Variants in RALGAPA1 observed in about 807,000 individuals in gnomAD.
RALGAPA1 encodes ral GTPase-activating protein subunit alpha-1.
RALGAPA1 carries 52 observed loss-of-function variants against 269.6 expected under a neutral mutation model. The ratio of observed to expected loss-of-function variants is 0.19; its 90% CI spans 0.15 to 0.24. RALGAPA1 has a LOEUF of 0.24. Ranked by LOEUF, RALGAPA1 falls within the 10% of genes least tolerant of loss-of-function variation. The probability of loss-of-function intolerance (pLI) is 1.00; values close to 1 mark genes in which losing one functional copy is unlikely to be tolerated. For missense variants in RALGAPA1, 1,917 were observed against 3,013.9 expected, an observed-to-expected ratio of 0.64 and a Z score of 8.52; for synonymous variants, 817 against 1,008.3, an observed-to-expected ratio of 0.81 and a Z score of 3.60.
intron 22 of RALGAPA1, chr14:35,677,398 C>T (rs1429018612): frequency 6.5e-6 from 1 of 153,862 alleles, no homozygotes; most frequent in Non-Finnish European, 1.4e-5. Context: ...CAAAATCTAG[C>T]AAAAATAACT....
At chr14:35,674,758 TA>T in intron 22 of RALGAPA1, 49 bp from the exon 23 acceptor site, 2 of 887,576 alleles carry the variant, frequency 2.3e-6, no homozygotes, top group Non-Finnish European at 3.4e-6. Flanking sequence ...GAACTGAACA[TA>T]AAACCCCCCA....
intron 16 of RALGAPA1, among the ~76,000 whole-genome samples, chr14:35,717,430 G>A (rs532218830): frequency 2.7e-5 from 4 of 150,378 alleles, no homozygotes; most frequent in South Asian, 2.1e-4. Context: ...GATTACAGGC[G>A]TGAGCCACTG....
intron 19 of RALGAPA1, among the ~76,000 whole-genome samples, chr14:35,685,687 T>G (rs933223738): frequency 6.6e-6 from 1 of 152,150 alleles, no homozygotes; most frequent in Non-Finnish European, 1.5e-5. Context: ...GCAGATCACC[T>G]GAGGTCAGGA....
intron 39 of RALGAPA1, among the ~76,000 whole-genome samples, chr14:35,551,180 T>C (rs944789582): frequency 1.3e-5 from 2 of 152,176 alleles, no homozygotes; most frequent in African/African-American, 4.8e-5. Flanking sequence ...AATGGGGTTA[T>C]TGCTTCTCCC....
intron 7 of RALGAPA1, among the ~76,000 whole-genome samples, chr14:35,755,788 A>T (rs1305001380): frequency 6.6e-6 from 1 of 152,232 alleles, no homozygotes; most frequent in Non-Finnish European, 1.5e-5. Flanking sequence ...TAAAATGTGG[A>T]ATCAGGGTTC....
chr14:35,571,102 T>C (rs950584698), intron 38 of RALGAPA1, among the ~76,000 whole-genome samples: 8 of 152,206 alleles, frequency 5.3e-5, no homozygotes, highest in Non-Finnish European at 8.8e-5. Flanking sequence ...AATATATACT[T>C]ATAGGCAAGA....
At chr14:35,650,633 A>C (rs1036836826) in intron 31 of RALGAPA1, among the ~76,000 whole-genome samples, 3 of 152,188 alleles carry the variant, frequency 2.0e-5, no homozygotes, top group African/African-American at 7.2e-5. Flanking sequence ...CACACAAGAA[A>C]ATAACTGGGA....
chr14:35,792,643 T>G (rs1189429624), intron 1 of RALGAPA1, among the ~76,000 whole-genome samples: 3 of 151,484 alleles, frequency 2.0e-5, no homozygotes, highest in Non-Finnish European at 4.4e-5. Flanking sequence ...ACTAGCCGGG[T>G]ATGGCGGTGC....
chr14:35,706,076 C>T (rs1439705918), intron 16 of RALGAPA1, among the ~76,000 whole-genome samples: 3 of 152,132 alleles, frequency 2.0e-5, no homozygotes, highest in African/African-American at 7.2e-5. Context: ...GATTTTCTCC[C>T]CATCTGTGAC....
At chr14:35,784,066 A>T (rs770193909) in intron 1 of RALGAPA1, among the ~76,000 whole-genome samples, 1 of 152,078 alleles carries the variant, frequency 6.6e-6, no homozygotes, top group Non-Finnish European at 1.5e-5. Context: ...AGAACATTAC[A>T]TACCCAAGAA....
chr14:35,564,429 A>T (rs1195581559), intron 39 of RALGAPA1: 1 of 152,216 alleles, frequency 6.6e-6, no homozygotes. Flanking sequence ...GAACCAATCA[A>T]TTCATCAATT....
intron 37 of RALGAPA1, among the ~76,000 whole-genome samples, chr14:35,575,272 C>T (rs1429922019): frequency 6.6e-6 from 1 of 152,172 alleles, no homozygotes; most frequent in East Asian, 1.9e-4. Flanking sequence ...TGGGATAGGT[C>T]TGTTAAAACG....
chr14:35,695,668 A>T (rs969410544), intron 17 of RALGAPA1, among the ~76,000 whole-genome samples: 3 of 152,244 alleles, frequency 2.0e-5, no homozygotes, highest in African/African-American at 7.2e-5. Flanking sequence ...ACTTGATTAG[A>T]AAATACTAAA....
At chr14:35,718,348 T>C (rs1354795249) in intron 16 of RALGAPA1, among the ~76,000 whole-genome samples, 2 of 152,220 alleles carry the variant, frequency 1.3e-5, no homozygotes, top group African/African-American at 4.8e-5. Flanking sequence ...CAAGATTTTA[T>C]ATGTTATGCT....
intron 30 of RALGAPA1, among the ~76,000 whole-genome samples, chr14:35,653,842 G>A (rs1182021456): frequency 6.6e-6 from 1 of 152,020 alleles, no homozygotes; most frequent in Non-Finnish European, 1.5e-5. Context: ...ATTCACAAAT[G>A]ACTGGCTAAA....
intron 17 of RALGAPA1, among the ~76,000 whole-genome samples, chr14:35,694,972 C>T (rs867744348): frequency 6.6e-6 from 1 of 151,848 alleles, no homozygotes. Context: ...CCCAGCTACT[C>T]GGGAGGCTGA....
intron 30 of RALGAPA1, 46 bp downstream of exon 30, chr14:35,654,320 TA>T: frequency 4.7e-6 from 7 of 1,498,172 alleles, no homozygotes; most frequent in South Asian, 1.4e-5. Flanking sequence ...TATCCAAATC[TA>T]AAAAAATTTA....
At chr14:35,668,478 G>A (rs968985023) in intron 26 of RALGAPA1, among the ~76,000 whole-genome samples, 50 of 149,412 alleles carry the variant, frequency 3.3e-4, no homozygotes, top group Non-Finnish European at 7.4e-5. Flanking sequence ...GACAGATTTT[G>A]TCTCAAAAAA....
chr14:35,750,265 A>G (rs1595423218), intron 9 of RALGAPA1, among the ~76,000 whole-genome samples: 1 of 152,294 alleles, frequency 6.6e-6, no homozygotes, highest in East Asian at 1.9e-4. Context: ...GCTGAGACTG[A>G]CATACTAATG....
Sources: allele counts gnomAD v4.1 joint callset (sites outside exome capture counted in the v4.1 genomes callset), GRCh38; gene constraint gnomAD v4.1.1; transcripts MANE v1.5; gene names NCBI Gene and HGNC (gene_info 2026-07-23, HGNC 2026-07-21).